The following MDFI variants were observed in gnomAD, a reference collection of about 807,000 sequenced individuals.
The protein encoded by MDFI is MyoD family inhibitor, also known as inhibitor of MyoD family a.
A neutral mutation model predicts 22.3 loss-of-function variants in MDFI; 16 were observed. The ratio of observed to expected loss-of-function variants is 0.72; its 90% confidence interval spans 0.49 to 1.09. MDFI has a LOEUF of 1.09. Ranked by LOEUF, MDFI falls within the 50% of genes least tolerant of loss-of-function variation. The pLI, the probability that MDFI is intolerant of heterozygous loss-of-function variation, is 0.00. For missense variants in MDFI, 314 were observed against 326.1 expected (o/e 0.96, Z 0.29); for synonymous variants, 145 against 142.7 (o/e 1.02, Z -0.12).
In MDFI at chr6:41,638,866, T is replaced by A. The variant is rs779729387; in HGVS notation, c.76+41T>A. 2 of 1,517,388 alleles carry A rather than the reference T, an allele frequency of 1.3e-6. No homozygotes were observed. Among genetic ancestry groups the A allele is most frequent in the African/African-American group, 1.4e-5 (1 of 71,520 alleles). The allele number at this position is 1,517,388 out of a possible 1,614,324, so 94.0% of individuals were successfully genotyped here. On this transcript the variant is annotated intron_variant, in intron 2 of 4. Coordinates refer to ENST00000230321, the MANE Select transcript of MDFI (RefSeq NM_005586.4). The surrounding 1 kb of genome is among the most constrained non-coding windows in gnomAD (Gnocchi z 7.6). ...GCGAGCGAAGCTGGACAGGGGCGGG[T>A]GGGCGGCTGAAGGGGCCAGTTATTA...
chr6:41,649,593 A>G, intron 3 of MDFI, 26 bp from the exon 4 acceptor site: 19 of 1,539,262 alleles, frequency 1.2e-5, no homozygotes, highest in Non-Finnish European at 1.6e-5. Context: ...CCCTTTTCCC[A>G]TCACACTTTC....
intron 4 of MDFI, among the ~76,000 whole-genome samples, chr6:41,651,114 G>T (rs1384499429): frequency 7.8e-6 from 1 of 128,400 alleles, no homozygotes; most frequent in African/African-American, 3.1e-5. Context: ...GGCGGAGGTT[G>T]CAGTGAGCCA....
chr6:41,646,982 C>T (rs528435759), intron 3 of MDFI, among the ~76,000 whole-genome samples: 7 of 152,296 alleles, frequency 4.6e-5, no homozygotes, highest in South Asian at 2.1e-4. Flanking sequence ...GCACAGAGAA[C>T]GGCCCACCCT....
intron 2 of MDFI, among the ~76,000 whole-genome samples, chr6:41,639,030 T>C (rs892677189): frequency 6.6e-6 from 1 of 152,022 alleles, no homozygotes; most frequent in African/African-American, 2.4e-5. Flanking sequence ...GAACAGAGGC[T>C]GCGGCTGCGC....
intron 4 of MDFI, among the ~76,000 whole-genome samples, chr6:41,652,003 C>T (rs935983549): frequency 2.0e-5 from 3 of 152,184 alleles, no homozygotes; most frequent in Admixed American, 6.5e-5. Flanking sequence ...CTTACATATC[C>T]GGTAGAAGGA....
At chr6:41,651,073 G>T (rs1424741827) in intron 4 of MDFI, among the ~76,000 whole-genome samples, 1 of 151,918 alleles carries the variant, frequency 6.6e-6, no homozygotes, top group African/African-American at 2.4e-5. Flanking sequence ...CAGGCGTGGC[G>T]GTGGGCGCCT....
intron 3 of MDFI, among the ~76,000 whole-genome samples, chr6:41,649,043 C>T (rs2127434017): frequency 6.6e-6 from 1 of 152,270 alleles, no homozygotes; most frequent in African/African-American, 2.4e-5. Context: ...AGGGCAGAGG[C>T]TTGAGTGGAG....
chr6:41,647,135 A>G (rs1768080771), intron 3 of MDFI, among the ~76,000 whole-genome samples: 1 of 152,204 alleles, frequency 6.6e-6, no homozygotes, highest in Non-Finnish European at 1.5e-5. Context: ...AGTCAGGCTT[A>G]CTAATCCCAC....
intron 3 of MDFI, 22 bp from the exon 4 acceptor site, chr6:41,649,597 C>G: frequency 6.5e-7 from 1 of 1,545,610 alleles, no homozygotes; most frequent in South Asian, 1.2e-5. Context: ...TTTCCCATCA[C>G]ACTTTCTCTT....
intron 2 of MDFI, among the ~76,000 whole-genome samples, chr6:41,643,538 G>A (rs543304403): frequency 1.8e-5 from 2 of 113,922 alleles, no homozygotes; most frequent in African/African-American, 7.1e-5. Context: ...AGGAGGGAAG[G>A]AGGGAAGGAG....
intron 2 of MDFI, among the ~76,000 whole-genome samples, chr6:41,640,121 C>T (rs1436136572): frequency 6.6e-6 from 1 of 152,220 alleles, no homozygotes; most frequent in Non-Finnish European, 1.5e-5. Flanking sequence ...GAATTGGACT[C>T]CTTCAGCCCG....
At chr6:41,646,757 G>T (rs1288635131) in intron 3 of MDFI, among the ~76,000 whole-genome samples, 5 of 152,264 alleles carry the variant, frequency 3.3e-5, no homozygotes, top group African/African-American at 7.2e-5. Context: ...AGGAGGTCCT[G>T]GGGGGAGGGA....
chr6:41,653,244 C>A lies in MDFI; in HGVS notation c.485-75C>A. 1 of 1,512,640 alleles carries A rather than the reference C, an allele frequency of 6.6e-7. No homozygotes were observed. Among genetic ancestry groups the A allele is most frequent in the Non-Finnish European group, 9.0e-7 (1 of 1,108,612 alleles). The allele number at this position is 1,512,640 out of a possible 1,614,324, so 93.7% of individuals were successfully genotyped here. A position where few individuals can be genotyped will look rare whatever the true frequency, so the allele number is the denominator to read the frequency against. Reference sequence around the variant, plus strand: ...TGCTGCTGCCGCTGCCGCAGGCCCCCACACCCCCGGCTATTTCACACACGC... The same window carrying A: ...TGCTGCTGCCGCTGCCGCAGGCCCCAACACCCCCGGCTATTTCACACACGC... On this transcript the variant is annotated intron_variant, in intron 4 of 4. Coordinates refer to ENST00000230321, the MANE Select transcript of MDFI (RefSeq NM_005586.4). The surrounding 1 kb of genome is among the most constrained non-coding windows in gnomAD (Gnocchi z 4.2).
At chr6:41,637,636 G>A (rs1160017721), upstream of MDFI, among the ~76,000 whole-genome samples, 1 of 152,084 alleles carries the variant, frequency 6.6e-6, no homozygotes, top group Non-Finnish European at 1.5e-5. This position sits in a 1 kb window ranked among gnomAD's most constrained non-coding sequence, Gnocchi z 6.8. Context: ...CTCTTGGACT[G>A]CCTGGCAGCG....
chr6:41,649,818 C>A lies in MDFI; in HGVS notation c.459C>A (p.Ser153=). 1.2e-6 allele frequency: 2 copies of A among 1,613,924 alleles called. No homozygotes were observed. Among genetic ancestry groups the A allele is most frequent in the Non-Finnish European group, 1.7e-6 (2 of 1,179,938 alleles). The change falls in exon 4 of 5, where the codon TCC becomes TCA. Residue 153 remains serine (S), a synonymous_variant. Transcript: ENST00000230321. The part of the protein sequence containing the change: ...KSKSSSKSTT[S]QIPLQAQEDC... ...AGAGCAGCAGCAAATCCACCACCTCCCAGATCCCCCTCCAGGCACAGGAAG... is the reference window on the plus strand; with the variant it reads ...AGAGCAGCAGCAAATCCACCACCTCACAGATCCCCCTCCAGGCACAGGAAG...
Position 41,653,283 on chromosome 6 carries a change from C to T in MDFI, c.485-36C>T, listed in dbSNP as rs1197171760. The T allele has an allele frequency of 6.3e-7, 1 of 1,598,782 alleles. No individual in the cohort carries two copies. The highest frequency in any genetic ancestry group is 8.5e-7 in the Non-Finnish European group (1 of 1,170,788). On this transcript the variant is annotated intron_variant, in intron 4 of 4. Coordinates refer to ENST00000230321, the MANE Select transcript of MDFI (RefSeq NM_005586.4). The surrounding 1 kb of genome is among the most constrained non-coding windows in gnomAD (Gnocchi z 4.2). Reference sequence around the variant, plus strand: ...TTTCACACACGCTCATCCCTCCCCTCTCTCACCCGTCCCCCTCTCCACCGC... The same window carrying T: ...TTTCACACACGCTCATCCCTCCCCTTTCTCACCCGTCCCCCTCTCCACCGC...
At position 41,646,250 on chromosome 6, in the gene MDFI, TG is replaced by T; in HGVS notation, c.203del (p.Gly68AlafsTer18). The T allele has an allele frequency of 1.3e-6, 2 of 1,576,892 alleles. No individual in the cohort carries two copies. Among genetic ancestry groups the T allele is most frequent in the South Asian group, 2.3e-5 (2 of 85,494 alleles). On this transcript the variant is annotated frameshift_variant, in exon 3 of 5. Transcript: ENST00000230321. LOFTEE classifies it high-confidence loss of function. ...CCCCCATGCCCCAAGGCAATGGCCCTGGCATCCCCCAGGGCCTGGACAGCAC... is the reference window on the plus strand; with the variant it reads ...CCCCCATGCCCCAAGGCAATGGCCCTGCATCCCCCAGGGCCTGGACAGCAC... The part of the protein sequence containing the change: ...ATPMPQGNGP[G>X]IPQGLDSTDL...
chr6:41,645,570 T>C (rs1249669237), intron 2 of MDFI, among the ~76,000 whole-genome samples: 1 of 152,134 alleles, frequency 6.6e-6, no homozygotes, highest in Non-Finnish European at 1.5e-5. Context: ...CTACCTTCTC[T>C]GTCGCCTCTG....
Position 41,653,467 on chromosome 6 carries a change from C to T in MDFI, c.633C>T (p.Asp211=), listed in dbSNP as rs773332301. The T allele has an allele frequency of 2.6e-5, 41 of 1,604,156 alleles. No individual in the cohort carries two copies. In the South Asian group the frequency reaches 3.8e-4, roughly 15 times the overall value. ...GCTGTGGCTCTGGCGAGTGTGCCGA[C>T]TGCGACCTGCCCTGCGACCTGGACT... ...CCCCGSGECA[D]CDLPCDLDCG... The change falls in exon 5 of 5, where the codon GAC becomes GAT. Residue 211 remains aspartate (D), a synonymous_variant. Coordinates refer to ENST00000230321, the MANE Select transcript of MDFI (RefSeq NM_005586.4). This position sits in a 1 kb window ranked among gnomAD's most constrained non-coding sequence, Gnocchi z 4.2.
Sources: gnomAD v4.1 joint callset for allele counts (sites outside exome capture counted in the v4.1 genomes callset) on GRCh38, gnomAD v4.1.1 for gene constraint, Gnocchi (gnomAD v3.1) non-coding constraint, MANE v1.5 for transcripts, NCBI Gene and HGNC (gene_info 2026-07-23, HGNC 2026-07-21) for gene names.